The following CDH13 variants were observed in gnomAD, a reference collection of about 807,000 sequenced individuals.
CDH13 encodes cadherin-13.
In CDH13, 24 loss-of-function variants were observed where a neutral mutation model predicts 63.8. That is an observed-to-expected ratio of 0.38 (90% CI 0.27 to 0.53). The LOEUF (loss-of-function observed/expected upper bound fraction) is 0.53. Ranked by LOEUF, CDH13 falls within the 20% of genes least tolerant of loss-of-function variation. CDH13 has a pLI of 0.85. For missense variants in CDH13, 1,049 were observed against 903.1 expected (o/e 1.16, Z -2.07); for synonymous variants, 503 against 355.3 (o/e 1.42, Z -4.67).
At chr16:83,185,379 CAGTA>C (rs1229804810) in intron 4 of CDH13, among the ~76,000 whole-genome samples, 1 of 152,146 alleles carries the variant, frequency 6.6e-6, no homozygotes, top group African/African-American at 2.4e-5. Context: ...AATAATTTCT[CAGTA>C]AGTTTCTGTG....
chr16:83,777,643 C>T (rs759070351), intron 11 of CDH13, among the ~76,000 whole-genome samples: 44 of 152,196 alleles, frequency 2.9e-4, no homozygotes, highest in Non-Finnish European at 5.0e-4. Context: ...ATCATGCCCA[C>T]GCCTGCTTCT....
chr16:82,884,075 G>C (rs1482472503), intron 2 of CDH13: 1 of 410,072 alleles, frequency 2.4e-6, no homozygotes, highest in African/African-American at 2.1e-5. Context: ...CAATAATGAA[G>C]TGCCATGTAG....
At chr16:83,651,258 G>A (rs555683301) in intron 8 of CDH13, among the ~76,000 whole-genome samples, 14 of 152,228 alleles carry the variant, frequency 9.2e-5, no homozygotes, top group African/African-American at 2.6e-4. Flanking sequence ...AAAGAACAAC[G>A]TGTATTTCTT....
intron 8 of CDH13, among the ~76,000 whole-genome samples, chr16:83,604,597 G>C (rs1908154313): frequency 6.6e-6 from 1 of 152,104 alleles, no homozygotes; most frequent in African/African-American, 2.4e-5. Context: ...TTCTTCTTTG[G>C]CCTGGGGGCT....
rs561476829 is a variant in CDH13 at position 83,313,029 on chromosome 16, G to A, written c.637-31833G>A. On this transcript the variant is annotated intron_variant, in intron 5 of 13. Transcript: ENST00000567109. The stretch of plus-strand genomic sequence containing the variant: ...GATGCAGCTTCTACAAGTGCATGGG[G>A]AATCAGCACCCACTCAGCTGAATCT... 3.9e-5 allele frequency among the ~76,000 whole-genome samples: 6 copies of A among 152,302 alleles called. No individual in the cohort carries two copies. In the South Asian group the frequency reaches 1.0e-3, roughly 26 times the overall value.
intron 2 of CDH13, among the ~76,000 whole-genome samples, chr16:83,025,320 G>A (rs995277614): frequency 6.6e-6 from 1 of 152,154 alleles, no homozygotes; most frequent in African/African-American, 2.4e-5. Flanking sequence ...GACATACCTG[G>A]GACAGGGTAA....
chr16:82,692,090 G>A (rs996600151), intron 1 of CDH13, among the ~76,000 whole-genome samples: 8 of 152,188 alleles, frequency 5.3e-5, no homozygotes, highest in African/African-American at 1.7e-4. Flanking sequence ...GGCTTCATTA[G>A]AAAAGTACAT....
intron 10 of CDH13, among the ~76,000 whole-genome samples, chr16:83,736,147 G>T (rs899199891): frequency 2.0e-5 from 3 of 152,130 alleles, no homozygotes; most frequent in Non-Finnish European, 4.4e-5. Context: ...TATAGGATCA[G>T]ACTTGATCAG....
intron 7 of CDH13, among the ~76,000 whole-genome samples, chr16:83,563,151 T>C (rs1387952347): frequency 6.6e-6 from 1 of 152,188 alleles, no homozygotes; most frequent in Non-Finnish European, 1.5e-5. Flanking sequence ...GAATAGCCCA[T>C]GGACTTGCAA....
Position 83,504,693 on chromosome 16 carries a change from C to G in CDH13, c.960+18038C>G, listed in dbSNP as rs1157396709. ...CAGCCTCATCCTCAACACTAGACAT[C>G]CAGACAGAGTGGCTCAGGCCCTGTA... is the stretch of plus-strand genomic sequence containing the variant. On this transcript the variant is annotated intron_variant, in intron 7 of 13. Transcript: ENST00000567109. 2.0e-5 allele frequency among the ~76,000 whole-genome samples: 3 copies of G among 152,318 alleles called. No individual in the cohort carries two copies. In the South Asian group the frequency reaches 6.2e-4, roughly 32 times the overall value.
intron 5 of CDH13, among the ~76,000 whole-genome samples, chr16:83,286,052 C>A (rs74031967): frequency 1.3e-5 from 2 of 151,998 alleles, no homozygotes; most frequent in Non-Finnish European, 2.9e-5. Context: ...TACCCTGTCT[C>A]AAATGCAAGT....
intron 8 of CDH13, among the ~76,000 whole-genome samples, chr16:83,667,361 C>T (rs1055640382): frequency 1.4e-4 from 21 of 152,244 alleles, no homozygotes; most frequent in African/African-American, 4.6e-4. Context: ...CTCACTTATA[C>T]ATGGCCTAAA....
At chr16:82,830,306 A>C (rs1474366269) in intron 1 of CDH13, among the ~76,000 whole-genome samples, 1 of 152,196 alleles carries the variant, frequency 6.6e-6, no homozygotes, top group African/African-American at 2.4e-5. Flanking sequence ...GTACTATTAG[A>C]GGTACTGTGC....
chr16:83,115,584 C>G (rs534109440), intron 3 of CDH13, among the ~76,000 whole-genome samples: 1 of 152,350 alleles, frequency 6.6e-6, no homozygotes, highest in East Asian at 1.9e-4. Context: ...GAAGCAAATC[C>G]AGTCTTCTTA....
intron 2 of CDH13, among the ~76,000 whole-genome samples, chr16:83,029,188 C>T (rs1477284922): frequency 6.6e-6 from 1 of 152,172 alleles, no homozygotes; most frequent in Non-Finnish European, 1.5e-5. Flanking sequence ...ATTATTATCA[C>T]CCTAAGTATC....
chr16:83,470,180 C>G (rs554910428), intron 6 of CDH13, among the ~76,000 whole-genome samples: 1 of 152,274 alleles, frequency 6.6e-6, no homozygotes, highest in African/African-American at 2.4e-5. Flanking sequence ...CTTCCCACCT[C>G]CAGAACCCTC....
At chr16:83,758,459 T>TA (rs200232880) in intron 11 of CDH13, among the ~76,000 whole-genome samples, 5,959 of 150,382 alleles carry the variant, frequency 0.04, 136 homozygotes, top group East Asian at 0.087. Flanking sequence ...AGTCTAGTTT[T>TA]AAAAAAAAAA....
At chr16:83,376,331 C>T (rs1311921386) in intron 6 of CDH13, among the ~76,000 whole-genome samples, 1 of 152,062 alleles carries the variant, frequency 6.6e-6, no homozygotes, top group Non-Finnish European at 1.5e-5. Flanking sequence ...ACACCTAGAG[C>T]CAGGTATGGG....
intron 8 of CDH13, among the ~76,000 whole-genome samples, chr16:83,626,212 G>A (rs142999265): frequency 9.2e-5 from 14 of 152,190 alleles, no homozygotes; most frequent in South Asian, 2.1e-4. Flanking sequence ...GCCGTACCGC[G>A]TGTGCCGGTT....
Sources: gnomAD v4.1 joint callset for allele counts (sites outside exome capture counted in the v4.1 genomes callset) on GRCh38, gnomAD v4.1.1 for gene constraint, MANE v1.5 for transcripts, NCBI Gene and HGNC (gene_info 2026-07-23, HGNC 2026-07-21) for gene names.